Variants in UEVLD observed in about 807,000 individuals in gnomAD.
UEVLD encodes the protein UEV and lactate/malate dehyrogenase domains.
UEVLD carries 47 observed loss-of-function variants against 58.6 expected under a neutral mutation model. That is an observed-to-expected ratio of 0.80 (90% CI 0.63 to 1.02). The LOEUF (loss-of-function observed/expected upper bound fraction) is 1.02, where lower values mean the gene tolerates loss of function less well. Among genes scored for constraint, UEVLD ranks in the 50% least tolerant of loss-of-function variants. The pLI is 0.00. For missense variants in UEVLD, 510 were observed against 550.6 expected (o/e 0.93, Z 0.74); for synonymous variants, 197 against 195.3 (o/e 1.01, Z -0.07).
intron 3 of UEVLD, among the ~76,000 whole-genome samples, chr11:18,571,075 G>A (rs775705679): frequency 4.5e-4 from 68 of 152,144 alleles, no homozygotes; most frequent in African/African-American, 1.5e-3. Context: ...ATTGAAGGCC[G>A]GGCGTGGTGG....
At chr11:18,544,239 C>G (rs7934311) in intron 9 of UEVLD, among the ~76,000 whole-genome samples, 2 of 152,130 alleles carry the variant, frequency 1.3e-5, no homozygotes, top group African/African-American at 4.8e-5. Context: ...CCAATTAAGC[C>G]CACAATTCTG....
At position 18,532,277 on chromosome 11, in the gene UEVLD, TC is replaced by T. The variant is rs1431606506; in HGVS notation, c.*42del. 5 of 1,537,798 alleles carry T rather than the reference TC, an allele frequency of 3.3e-6. No homozygotes were observed. In the Admixed American group the frequency reaches 1.1e-4, roughly 33 times the overall value. On this transcript the variant is annotated 3_prime_UTR_variant, in exon 12 of 12. Transcript: ENST00000396197. ...TATATAGGTAAAATTAAATGACTTTTCCCTTTAGGTAGAAGTCCAGCCTCTC... is the reference window on the plus strand; with the variant it reads ...TATATAGGTAAAATTAAATGACTTTTCCTTTAGGTAGAAGTCCAGCCTCTC...
At chr11:18,565,193 C>T (rs900249181) in intron 5 of UEVLD, among the ~76,000 whole-genome samples, 183 bp from the exon 6 acceptor site, 2 of 152,108 alleles carry the variant, frequency 1.3e-5, no homozygotes, top group Middle Eastern at 3.4e-3. Flanking sequence ...ATTAAATAGT[C>T]GACTAAATAG....
chr11:18,570,749 A>G (rs1041540003), intron 3 of UEVLD: 4 of 146,834 alleles, frequency 2.7e-5, no homozygotes, highest in African/African-American at 1.1e-4. Flanking sequence ...CTGTTTCAAA[A>G]AAAAAAAAAA....
intron 9 of UEVLD, among the ~76,000 whole-genome samples, chr11:18,537,324 A>ATATTTTT (rs1160942409): frequency 1.5e-5 from 2 of 131,574 alleles, no homozygotes; most frequent in Admixed American, 7.6e-5. Flanking sequence ...ATATATATAT[A>ATATTTTT]TTTTTTTTTT....
chr11:18,567,258 CA>C (rs1852344336), intron 4 of UEVLD, among the ~76,000 whole-genome samples: 1 of 152,172 alleles, frequency 6.6e-6, no homozygotes, highest in Non-Finnish European at 1.5e-5. Context: ...TTCTGAGCTT[CA>C]GTGTCATCAG....
intron 1 of UEVLD, among the ~76,000 whole-genome samples, chr11:18,581,665 G>A (rs189425954): frequency 6.8e-5 from 10 of 146,928 alleles, no homozygotes; most frequent in African/African-American, 7.5e-5. Context: ...GTGACAGAGC[G>A]AGACACTGTC....
intron 2 of UEVLD, among the ~76,000 whole-genome samples, chr11:18,576,509 G>A (rs1852918298): frequency 2.0e-5 from 3 of 151,960 alleles, no homozygotes; most frequent in Admixed American, 2.0e-4. Context: ...CTGGGCAACA[G>A]AGCGAGACTC....
At chr11:18,551,413 A>T (rs1414426175) in intron 7 of UEVLD, among the ~76,000 whole-genome samples, 2 of 115,558 alleles carry the variant, frequency 1.7e-5, no homozygotes, top group Non-Finnish European at 3.9e-5. Context: ...ACCGAGTAAG[A>T]CTCCATCACA....
At chr11:18,587,972 G>A (rs1853667452) in intron 1 of UEVLD, among the ~76,000 whole-genome samples, 1 of 152,048 alleles carries the variant, frequency 6.6e-6, no homozygotes, top group African/African-American at 2.4e-5. Context: ...CTACTCCCCA[G>A]CCTTCCAACA....
chr11:18,581,481 C>T (rs1304311707), intron 1 of UEVLD, among the ~76,000 whole-genome samples: 4 of 151,880 alleles, frequency 2.6e-5, no homozygotes, highest in Non-Finnish European at 5.9e-5. Flanking sequence ...GTCAGGAGTT[C>T]GAGAACAGAC....
In UEVLD at chr11:18,580,136, C is replaced by G. The variant is rs956206522; in HGVS notation, c.43-1328G>C. 1.3e-4 allele frequency among the ~76,000 whole-genome samples: 17 copies of G among 128,104 alleles called. No homozygotes were observed. The Admixed American group carries it at 1.6e-3, about 12-fold the overall frequency. 84.0% of individuals were successfully genotyped at this position (128,104 alleles called of 152,430 possible). On this transcript the variant is annotated intron_variant, in intron 1 of 11. Transcript: ENST00000396197. The stretch of plus-strand genomic sequence containing the variant: ...TAGCCAAAACGATCAGGAAAAAGAA[C>G]AAAACAGCTGGTGGATTCATACTAT...
chr11:18,571,496 T>C (rs1852610481), intron 3 of UEVLD, among the ~76,000 whole-genome samples: 1 of 152,198 alleles, frequency 6.6e-6, no homozygotes, highest in African/African-American at 2.4e-5. Flanking sequence ...TTCCTGTGTC[T>C]AAACGTTAAG....
At chr11:18,576,116 C>G (rs1852893892) in intron 2 of UEVLD, among the ~76,000 whole-genome samples, 1 of 152,222 alleles carries the variant, frequency 6.6e-6, no homozygotes, top group South Asian at 2.1e-4. Flanking sequence ...TGGGCATAGG[C>G]TGAACTCACT....
chr11:18,532,497 G>T lies in UEVLD; in HGVS notation c.1249-10C>A. On this transcript the variant is annotated splice_polypyrimidine_tract_variant and intron_variant, in intron 11 of 11. Transcript: ENST00000396197. ...TTATATCATAATATCCCTGAAATGAGAAAAATAGGGATTTAATAGAACTAA... is the reference window on the plus strand; with the variant it reads ...TTATATCATAATATCCCTGAAATGATAAAAATAGGGATTTAATAGAACTAA... 1 of 1,571,226 alleles carries T rather than the reference G, an allele frequency of 6.4e-7. No individual in the cohort carries two copies. Among genetic ancestry groups the T allele is most frequent in the Non-Finnish European group, 8.6e-7 (1 of 1,157,376 alleles).
intron 7 of UEVLD, 58 bp downstream of exon 7, chr11:18,558,170 C>A: frequency 1.5e-6 from 2 of 1,292,288 alleles, no homozygotes; most frequent in South Asian, 2.9e-5. Flanking sequence ...CATTAACATT[C>A]TAGGAGTCAA....
At chr11:18,572,856 T>C (rs190495966) in intron 3 of UEVLD, among the ~76,000 whole-genome samples, 1 of 150,762 alleles carries the variant, frequency 6.6e-6, no homozygotes, top group East Asian at 1.9e-4. Context: ...TTACTGAGCA[T>C]ACACTGGCAC....
At chr11:18,533,543 A>AT (rs1850664553) in intron 11 of UEVLD, among the ~76,000 whole-genome samples, 1 of 152,124 alleles carries the variant, frequency 6.6e-6, no homozygotes, top group Non-Finnish European at 1.5e-5. Flanking sequence ...AATATGTGAT[A>AT]TTTGTCTTTC....
chr11:18,559,444 C>T (rs1851908804), intron 6 of UEVLD, among the ~76,000 whole-genome samples: 1 of 152,134 alleles, frequency 6.6e-6, no homozygotes, highest in Admixed American at 6.6e-5. Flanking sequence ...AGTGATCTGC[C>T]TGCCTCGTCC....
Sources: allele counts gnomAD v4.1 joint callset (sites outside exome capture counted in the v4.1 genomes callset), GRCh38; gene constraint gnomAD v4.1.1; transcripts MANE v1.5; gene names NCBI Gene and HGNC (gene_info 2026-07-23, HGNC 2026-07-21).